Variants in PIK3C2G observed in about 807,000 individuals in gnomAD.
The protein encoded by PIK3C2G is phosphatidylinositol 3-kinase C2 domain-containing subunit gamma.
Under a neutral mutation model 181.1 loss-of-function variants are expected in PIK3C2G, and 168 were observed. That is an observed-to-expected ratio of 0.93 (90% CI 0.82 to 1.05). The LOEUF (loss-of-function observed/expected upper bound fraction) is 1.05. PIK3C2G is among the 50% of genes least tolerant of loss of function. The pLI, the probability that PIK3C2G is intolerant of heterozygous loss-of-function variation, is 0.00. For synonymous variants in PIK3C2G, 573 were observed against 592.2 expected (o/e 0.97, Z 0.47); for missense variants, 1,869 against 1,732.8 (o/e 1.08, Z -1.40).
At chr12:18,429,482 A>C (rs1946031989) in intron 18 of PIK3C2G, among the ~76,000 whole-genome samples, 1 of 152,120 alleles carries the variant, frequency 6.6e-6, no homozygotes, top group East Asian at 1.9e-4. Context: ...ACCCTCTCCC[A>C]GCCACCATCT....
chr12:18,433,542 T>C (rs1048859768), intron 18 of PIK3C2G, among the ~76,000 whole-genome samples: 1 of 152,024 alleles, frequency 6.6e-6, no homozygotes, highest in Non-Finnish European at 1.5e-5. Context: ...AATAAATAAA[T>C]AAAAATAAAA....
intron 1 of PIK3C2G, among the ~76,000 whole-genome samples, chr12:18,250,468 GCTT>G (rs1425046301): frequency 8.5e-5 from 13 of 152,078 alleles, no homozygotes; most frequent in African/African-American, 2.9e-4. Context: ...ATCACGAGGA[GCTT>G]CTTGACATTT....
intron 31 of PIK3C2G, among the ~76,000 whole-genome samples, chr12:18,631,623 A>G (rs1205338654): frequency 6.6e-6 from 1 of 152,188 alleles, no homozygotes; most frequent in East Asian, 1.9e-4. Context: ...TTAGAAGACT[A>G]AAAAGTATTA....
rs543473573 is a variant in PIK3C2G at position 18,402,705 on chromosome 12, A to G, written c.2315+2858A>G. 1.5e-4 allele frequency among the ~76,000 whole-genome samples: 23 copies of G among 152,292 alleles called. No homozygotes were observed. The South Asian group carries it at 4.8e-3, about 32-fold the overall frequency. On this transcript the variant is annotated intron_variant, in intron 16 of 32. Transcript: ENST00000538779. ...GTAATACTGCTCTGTTTACTCACTTATTAAATAAGAGGATTAGCTGGATGA... is the reference window on the plus strand; with the variant it reads ...GTAATACTGCTCTGTTTACTCACTTGTTAAATAAGAGGATTAGCTGGATGA...
chr12:18,407,798 C>T lies in PIK3C2G; in HGVS notation c.2315+7951C>T, dbSNP rs147812504. On this transcript the variant is annotated intron_variant, in intron 16 of 32. Coordinates refer to ENST00000538779, the MANE Select transcript of PIK3C2G (RefSeq NM_001288772.2). ...GGGAAAGATTAAGAGAAGGATTTTC[C>T]GGGAAGAAAGAACTTAAATATGACT... Among the ~76,000 whole-genome samples the T allele has an allele frequency of 1.0e-3, 156 of 152,042 alleles. No homozygotes were observed. In the East Asian group the frequency reaches 0.023, roughly 23 times the overall value.
At chr12:18,557,772 G>A (rs1283727452) in intron 26 of PIK3C2G, among the ~76,000 whole-genome samples, 1 of 152,098 alleles carries the variant, frequency 6.6e-6, no homozygotes, top group Non-Finnish European at 1.5e-5. Flanking sequence ...TATCAAATAT[G>A]AATTAAAAGT....
chr12:18,693,086 G>A, the PIK3C2G span: 10 of 1,511,750 alleles, frequency 6.6e-6, no homozygotes, highest in Middle Eastern at 2.3e-4. Context: ...ATGATCTGAG[G>A]GGGACCCCAA....
chr12:18,324,428 A>G (rs1951245097), intron 7 of PIK3C2G, among the ~76,000 whole-genome samples: 2 of 152,202 alleles, frequency 1.3e-5, no homozygotes, highest in Admixed American at 1.3e-4. Flanking sequence ...CTTATGATTC[A>G]ATTTAAGTCA....
chr12:18,460,409 T>C (rs1053676576), intron 18 of PIK3C2G, among the ~76,000 whole-genome samples: 2 of 151,634 alleles, frequency 1.3e-5, no homozygotes, highest in Non-Finnish European at 2.9e-5. Flanking sequence ...CCGGCTCTAC[T>C]AAAAATACAA....
chr12:18,677,111 A>G, the PIK3C2G span, among the ~76,000 whole-genome samples: 1 of 152,070 alleles, frequency 6.6e-6, no homozygotes, highest in Non-Finnish European at 1.5e-5. Flanking sequence ...AGAAAGTTTG[A>G]TGTAGAAAAG....
chr12:18,666,775 T>C, the PIK3C2G span, among the ~76,000 whole-genome samples: 1 of 152,172 alleles, frequency 6.6e-6, no homozygotes, highest in African/African-American at 2.4e-5. Flanking sequence ...CAAGTAGACA[T>C]GAAACATTCT....
intron 32 of PIK3C2G, among the ~76,000 whole-genome samples, chr12:18,641,743 C>CTTTT (rs11285609): frequency 2.5e-4 from 23 of 93,164 alleles, no homozygotes; most frequent in African/African-American, 4.4e-4. Flanking sequence ...CTCTCTCAAG[C>CTTTT]TTTTTTTTTT....
chr12:18,671,862 C>T, the PIK3C2G span, among the ~76,000 whole-genome samples: 2 of 152,098 alleles, frequency 1.3e-5, no homozygotes, highest in Non-Finnish European at 2.9e-5. Flanking sequence ...AAGATCAAGG[C>T]GCCTGCAGAT....
the PIK3C2G span, among the ~76,000 whole-genome samples, chr12:18,666,743 A>G: frequency 1.3e-5 from 2 of 152,202 alleles, no homozygotes; most frequent in Non-Finnish European, 2.9e-5. Context: ...TCACTCAACA[A>G]TAGCAGAATA....
intron 14 of PIK3C2G, among the ~76,000 whole-genome samples, chr12:18,390,308 A>C (rs1256911191): frequency 6.6e-6 from 1 of 152,156 alleles, no homozygotes; most frequent in Non-Finnish European, 1.5e-5. Flanking sequence ...AACATAACTC[A>C]GCAGAGAAAA....
intron 5 of PIK3C2G, among the ~76,000 whole-genome samples, chr12:18,299,375 T>C (rs1200765393): frequency 6.6e-6 from 1 of 151,978 alleles, no homozygotes; most frequent in Non-Finnish European, 1.5e-5. Flanking sequence ...TGTTATTAAT[T>C]TTTGTGTGTT....
At chr12:18,349,313 AG>A (rs1939989470) in intron 11 of PIK3C2G, among the ~76,000 whole-genome samples, 1 of 152,142 alleles carries the variant, frequency 6.6e-6, no homozygotes, top group African/African-American at 2.4e-5. Context: ...TGACAAACTG[AG>A]GGGGTAAAAT....
At chr12:18,573,856 A>C (rs537851248) in intron 29 of PIK3C2G, among the ~76,000 whole-genome samples, 1 of 152,286 alleles carries the variant, frequency 6.6e-6, no homozygotes, top group Non-Finnish European at 1.5e-5. Flanking sequence ...CAGCCCAAAA[A>C]GTATTAAAGG....
chr12:18,288,116 C>T (rs564795356), intron 3 of PIK3C2G, among the ~76,000 whole-genome samples: 6 of 151,976 alleles, frequency 3.9e-5, no homozygotes, highest in Non-Finnish European at 5.9e-5. Flanking sequence ...GAGCTGAGGT[C>T]GCGCCACTGC....
Sources: allele counts gnomAD v4.1 joint callset (sites outside exome capture counted in the v4.1 genomes callset), GRCh38; gene constraint gnomAD v4.1.1; transcripts MANE v1.5; gene names NCBI Gene and HGNC (gene_info 2026-07-23, HGNC 2026-07-21).